The following STRBP variants were observed in gnomAD, a reference collection of about 807,000 sequenced individuals.
STRBP encodes spermatid perinuclear RNA-binding protein.
STRBP carries 13 observed loss-of-function variants against 80.1 expected under a neutral mutation model. That is an observed-to-expected ratio of 0.16 (90% CI 0.11 to 0.26). STRBP has a LOEUF of 0.26. Among genes scored for constraint, STRBP ranks in the 10% least tolerant of loss-of-function variants. The pLI, the probability that STRBP is intolerant of heterozygous loss-of-function variation, is 1.00. For missense variants in STRBP, 485 were observed against 815.2 expected, an observed-to-expected ratio of 0.59 and a Z score of 4.93; for synonymous variants, 284 against 291.2, an observed-to-expected ratio of 0.98 and a Z score of 0.25.
At position 123,124,092 on chromosome 9, in the gene STRBP, C is replaced by T; in HGVS notation, c.*1505G>A. On this transcript the variant is annotated 3_prime_UTR_variant, in exon 19 of 19. Transcript: ENST00000348403. ...AGAAGTGACACTAACATTTGTTGTA[C>T]ATTGCCCATTTCACCTTTATTTAGT... The T allele has an allele frequency of 1.0e-6, 1 of 985,436 alleles. No homozygotes were observed. The highest frequency in any genetic ancestry group is 1.2e-6 in the Non-Finnish European group (1 of 829,926). The allele number at this position is 985,436 out of a possible 1,614,324, so 61.0% of individuals were successfully genotyped here. A position where few individuals can be genotyped will look rare whatever the true frequency, so the allele number is the denominator to read the frequency against.
At chr9:123,150,905 T>TA (rs1252805572) in intron 11 of STRBP, among the ~76,000 whole-genome samples, 1 of 152,210 alleles carries the variant, frequency 6.6e-6, no homozygotes, top group Admixed American at 6.5e-5. Context: ...CAAATTATCT[T>TA]AATCCCTGAC....
At chr9:123,248,830 A>T (rs2040854899) in intron 1 of STRBP, among the ~76,000 whole-genome samples, 1 of 152,194 alleles carries the variant, frequency 6.6e-6, no homozygotes. Context: ...TGCATTAGTC[A>T]TCTTTTTACA....
intron 5 of STRBP, among the ~76,000 whole-genome samples, chr9:123,172,000 T>G (rs1265445393): frequency 1.3e-5 from 2 of 152,178 alleles, no homozygotes; most frequent in African/African-American, 4.8e-5. Context: ...GTTTACAAAG[T>G]TGTGATCTGC....
chr9:123,211,009 T>C (rs1231919886), intron 2 of STRBP, among the ~76,000 whole-genome samples: 1 of 152,194 alleles, frequency 6.6e-6, no homozygotes, highest in Admixed American at 6.5e-5. Context: ...TGAAGTCCCA[T>C]AACCTATTAT....
chr9:123,219,116 C>T (rs1480860533), intron 2 of STRBP, among the ~76,000 whole-genome samples: 2 of 152,136 alleles, frequency 1.3e-5, no homozygotes, highest in Non-Finnish European at 2.9e-5. Flanking sequence ...AACCATTCTA[C>T]AAGGGCTCCC....
intron 13 of STRBP, among the ~76,000 whole-genome samples, chr9:123,145,887 T>C (rs1026049474): frequency 6.6e-5 from 10 of 152,162 alleles, no homozygotes; most frequent in African/African-American, 9.6e-5. Context: ...TACAGCTTAG[T>C]TATTGTTTTT....
chr9:123,233,416 A>T (rs763152050), intron 2 of STRBP, among the ~76,000 whole-genome samples: 6 of 152,232 alleles, frequency 3.9e-5, no homozygotes, highest in Non-Finnish European at 8.8e-5. Context: ...GTTAACAAGT[A>T]TCAAACTCCA....
At chr9:123,130,160 C>T (rs1365867711) in intron 17 of STRBP, among the ~76,000 whole-genome samples, 4 of 152,102 alleles carry the variant, frequency 2.6e-5, no homozygotes, top group African/African-American at 7.2e-5. Context: ...GTGAATGGCA[C>T]CTGTTATTTA....
At chr9:123,264,462 G>A (rs947570061) in intron 1 of STRBP, among the ~76,000 whole-genome samples, 5 of 152,180 alleles carry the variant, frequency 3.3e-5, no homozygotes, top group East Asian at 1.9e-4. Context: ...GGTAAATTAC[G>A]AAGTACTAAC....
chr9:123,229,631 G>C (rs2040343145), intron 2 of STRBP, among the ~76,000 whole-genome samples: 1 of 152,234 alleles, frequency 6.6e-6, no homozygotes, highest in Non-Finnish European at 1.5e-5. Flanking sequence ...ATACACAAGT[G>C]AAGAGCTTGT....
chr9:123,132,389 A>AT (rs148511944), intron 17 of STRBP, among the ~76,000 whole-genome samples: 2,507 of 152,064 alleles, frequency 0.016, 37 homozygotes, highest in South Asian at 0.07. Context: ...CTCTGGATAA[A>AT]TTTTTTTTCC....
chr9:123,133,072 G>T, intron 16 of STRBP, 104 bp from the exon 17 acceptor site: 2 of 1,422,056 alleles, frequency 1.4e-6, no homozygotes, highest in Non-Finnish European at 1.9e-6. Context: ...TGAGCACGTG[G>T]GTGAGACCAT....
At position 123,189,037 on chromosome 9, in the gene STRBP, T is replaced by C. The variant is rs369692040; in HGVS notation, c.-164-4739A>G. 2.5e-4 allele frequency among the ~76,000 whole-genome samples: 38 copies of C among 152,292 alleles called. 1 individual carries two copies. In the South Asian group the frequency reaches 7.0e-3, roughly 28 times the overall value. ...TTAAGATAAACTATGTGAGATTCAA[T>C]AGCAAAGACTTGGAACCAACCTGAA... On this transcript the variant is annotated intron_variant, in intron 2 of 18. Coordinates refer to ENST00000348403, the MANE Select transcript of STRBP (RefSeq NM_018387.5).
chr9:123,115,178 T>A lies in STRBP; in HGVS notation c.*84+751A>T, dbSNP rs2035625461. On this transcript the variant is annotated intron_variant and NMD_transcript_variant, in intron 3 of 3. Coordinates refer to the STRBP transcript ENST00000471564. This position sits in a 1 kb window ranked among gnomAD's most constrained non-coding sequence, Gnocchi z 5.0. ...CTCTCGGGTCCCACAGCAAGGCCCT[T>A]CACACTCCCCAAGTGGGCACACTCT... 1 of 470,294 alleles carries A rather than the reference T, an allele frequency of 2.1e-6. No individual in the cohort carries two copies. Among genetic ancestry groups the A allele is most frequent in the Non-Finnish European group, 4.4e-6 (1 of 226,546 alleles). The allele number at this position is 470,294 out of a possible 1,614,324, so 29.1% of individuals were successfully genotyped here.
chr9:123,122,883 A>T lies in STRBP; in HGVS notation c.*2714T>A, dbSNP rs1439188177. The stretch of plus-strand genomic sequence containing the variant: ...ACTGACCTGTAAACTCCCTGACAAG[A>T]AACTATGCTAAAAAGGGGTTAAGTA... On this transcript the variant is annotated 3_prime_UTR_variant, in exon 19 of 19. Transcript: ENST00000348403. 1.0e-6 allele frequency: 1 copy of T among 985,460 alleles called. No homozygotes were observed. The highest frequency in any genetic ancestry group is 1.7e-5 in the African/African-American group (1 of 57,256). 61.0% of individuals were successfully genotyped at this position (985,460 alleles called of 1,614,324 possible).
At chr9:123,208,457 G>A (rs563135399) in intron 2 of STRBP, among the ~76,000 whole-genome samples, 8 of 152,238 alleles carry the variant, frequency 5.3e-5, no homozygotes, top group African/African-American at 1.4e-4. Context: ...GGGTCCTAGA[G>A]TAGGACTTAC....
At chr9:123,240,853 G>A (rs528126340) in intron 1 of STRBP, among the ~76,000 whole-genome samples, 2 of 152,128 alleles carry the variant, frequency 1.3e-5, no homozygotes, top group Non-Finnish European at 2.9e-5. Context: ...CTCCAAACTT[G>A]TATATCCAAT....
At chr9:123,237,411 T>C (rs1450683859) in intron 1 of STRBP, among the ~76,000 whole-genome samples, 1 of 152,076 alleles carries the variant, frequency 6.6e-6, no homozygotes, top group Admixed American at 6.6e-5. Context: ...CCTTACCTCT[T>C]AGTGTCAGCA....
intron 2 of STRBP, among the ~76,000 whole-genome samples, chr9:123,232,808 A>G (rs2040435461): frequency 6.6e-6 from 1 of 152,260 alleles, no homozygotes; most frequent in Non-Finnish European, 1.5e-5. Flanking sequence ...CCAAAGCCCC[A>G]CTGAATTCCT....
Sources: gnomAD v4.1 joint callset for allele counts (sites outside exome capture counted in the v4.1 genomes callset) on GRCh38, gnomAD v4.1.1 for gene constraint, Gnocchi (gnomAD v3.1) non-coding constraint, MANE v1.5 for transcripts, NCBI Gene and HGNC (gene_info 2026-07-23, HGNC 2026-07-21) for gene names.